APOLD1: variants seen among roughly 807,000 people sequenced by gnomAD.
APOLD1 encodes apolipoprotein L domain-containing protein 1.
APOLD1 carries 22 observed loss-of-function variants against 15.3 expected under a neutral mutation model. The ratio of observed to expected loss-of-function variants is 1.44; its 90% CI spans 1.03 to 2.05. The LOEUF (loss-of-function observed/expected upper bound fraction) is 2.05, where lower values mean the gene tolerates loss of function less well. Among genes scored for constraint, APOLD1 ranks in the 30% most tolerant of loss-of-function variants. The pLI is 0.00. For synonymous variants in APOLD1, 190 were observed against 167.4 expected, an observed-to-expected ratio of 1.13 and a Z score of -1.04; for missense variants, 394 against 353.5, an observed-to-expected ratio of 1.11 and a Z score of -0.92.
rs983695655 is a variant in APOLD1 at position 12,789,825 on chromosome 12, G to A, written c.*2173G>A. On this transcript the variant is annotated 3_prime_UTR_variant, in exon 2 of 2. Coordinates refer to ENST00000356591, the MANE Select transcript of APOLD1 (RefSeq NM_030817.3). ...CTGTCCGCACCCTTCCCAGTGATGGGGCAGTATGTCTGAGGAAGTATAATT... is the reference window on the plus strand; with the variant it reads ...CTGTCCGCACCCTTCCCAGTGATGGAGCAGTATGTCTGAGGAAGTATAATT... 1 of 152,190 alleles carries A rather than the reference G, an allele frequency of 6.6e-6. No individual in the cohort carries two copies. The highest frequency in any genetic ancestry group is 2.1e-4 in the South Asian group (1 of 4,820). 9.4% of individuals were successfully genotyped at this position (152,190 alleles called of 1,614,324 possible).
chr12:12,770,036 G>A (rs1946974085), intron 1 of APOLD1, among the ~76,000 whole-genome samples: 2 of 152,214 alleles, frequency 1.3e-5, no homozygotes, highest in African/African-American at 4.8e-5. Context: ...AGAACCAGAT[G>A]CTCTGGATAA....
chr12:12,751,538 A>G lies in APOLD1; in HGVS notation c.96+25442A>G, dbSNP rs560188001. ...ACTAATTTTTAAATTTTCAGAAGAG[A>G]CAAGGCATTGCTATGTTACCCAGGC... On this transcript the variant is annotated intron_variant, in intron 1 of 1. Coordinates refer to the APOLD1 transcript ENST00000326765. Among the ~76,000 whole-genome samples, 51 of 152,266 alleles carry G rather than the reference A, an allele frequency of 3.3e-4. No individual in the cohort carries two copies. In the South Asian group the frequency reaches 9.8e-3, roughly 29 times the overall value.
intron 1 of APOLD1, among the ~76,000 whole-genome samples, chr12:12,754,472 C>T (rs1946840174): frequency 6.6e-6 from 1 of 151,732 alleles, no homozygotes; most frequent in Non-Finnish European, 1.5e-5. Flanking sequence ...TATTTAGAGA[C>T]GGAGTCTTGC....
chr12:12,735,353 G>A (rs570562997), intron 1 of APOLD1, among the ~76,000 whole-genome samples: 16 of 152,262 alleles, frequency 1.1e-4, no homozygotes, highest in African/African-American at 3.9e-4. Flanking sequence ...GACCTAGAGC[G>A]AGGGTTAGAG....
At chr12:12,751,712 A>G (rs1592296307) in intron 1 of APOLD1, among the ~76,000 whole-genome samples, 1 of 152,356 alleles carries the variant, frequency 6.6e-6, no homozygotes, top group Middle Eastern at 3.4e-3. Context: ...ATGGGCCCCC[A>G]AGTATGTTCA....
At chr12:12,785,526 T>C (rs1240513853), upstream of APOLD1, 49 of 1,158,816 alleles carry the variant, frequency 4.2e-5, no homozygotes, top group Non-Finnish European at 5.8e-5. Flanking sequence ...TTTTCCACCA[T>C]GTCACGTCCT....
chr12:12,744,599 G>T (rs189692583), intron 1 of APOLD1, among the ~76,000 whole-genome samples: 109 of 152,186 alleles, frequency 7.2e-4, no homozygotes, highest in Non-Finnish European at 1.3e-3. Context: ...ACAAAGAACT[G>T]CTTGGTTTCT....
chr12:12,734,814 C>G (rs1054704636), intron 1 of APOLD1, among the ~76,000 whole-genome samples: 1 of 152,208 alleles, frequency 6.6e-6, no homozygotes, highest in Non-Finnish European at 1.5e-5. Flanking sequence ...CGCGTGCAGT[C>G]TCTGGGAGCC....
intron 1 of APOLD1, among the ~76,000 whole-genome samples, chr12:12,785,995 T>C (rs1947121053): frequency 1.3e-5 from 2 of 152,140 alleles, no homozygotes; most frequent in Admixed American, 6.6e-5. Context: ...TAATGAAGAG[T>C]ACAGTGGACA....
chr12:12,779,044 G>A (rs1238937900), intron 1 of APOLD1, among the ~76,000 whole-genome samples: 1 of 152,056 alleles, frequency 6.6e-6, no homozygotes, highest in Non-Finnish European at 1.5e-5. Context: ...TTTATGTTCA[G>A]CAACACTAAA....
chr12:12,769,579 C>G (rs913489669), intron 1 of APOLD1, among the ~76,000 whole-genome samples: 5 of 152,202 alleles, frequency 3.3e-5, no homozygotes, highest in Non-Finnish European at 5.9e-5. Context: ...GCAAACGATC[C>G]TCTCATGCTT....
At chr12:12,772,309 A>G (rs1467696439) in intron 1 of APOLD1, among the ~76,000 whole-genome samples, 1 of 152,254 alleles carries the variant, frequency 6.6e-6, no homozygotes, top group Non-Finnish European at 1.5e-5. Flanking sequence ...CCCTGACAAC[A>G]CTAATCAAAA....
At chr12:12,730,077 T>TGAGAGA (rs146075502) in intron 1 of APOLD1, among the ~76,000 whole-genome samples, 1 of 81,604 alleles carries the variant, frequency 1.2e-5, no homozygotes, top group African/African-American at 5.9e-5. Context: ...TGTGTGTGTG[T>TGAGAGA]GAGAGAGAGA....
chr12:12,731,093 A>G (rs980827851), intron 1 of APOLD1, among the ~76,000 whole-genome samples: 1 of 152,236 alleles, frequency 6.6e-6, no homozygotes, highest in Non-Finnish European at 1.5e-5. Flanking sequence ...GTGGGCCGAG[A>G]TCGCACCACT....
chr12:12,743,998 C>T (rs1391199014), intron 1 of APOLD1, among the ~76,000 whole-genome samples: 1 of 152,126 alleles, frequency 6.6e-6, no homozygotes, highest in African/African-American at 2.4e-5. Flanking sequence ...TGTTAGACTT[C>T]TAGCACACAG....
chr12:12,787,932 C>G lies in APOLD1; in HGVS notation c.*280C>G. The G allele has an allele frequency of 2.6e-6, 1 of 387,594 alleles. No individual in the cohort carries two copies. The highest frequency in any genetic ancestry group is 4.6e-6 in the Non-Finnish European group (1 of 216,438). 24.0% of individuals were successfully genotyped at this position (387,594 alleles called of 1,614,324 possible). A position where few individuals can be genotyped will look rare whatever the true frequency, so the allele number is the denominator to read the frequency against. Reference sequence around the variant, plus strand: ...TCAAAAACTTTCTGTCTAAACACAGCTGGGCAGGCACTCCTGTTTTAAAGT... The same window carrying G: ...TCAAAAACTTTCTGTCTAAACACAGGTGGGCAGGCACTCCTGTTTTAAAGT... On this transcript the variant is annotated 3_prime_UTR_variant, in exon 2 of 2. Transcript: ENST00000356591. The surrounding 1 kb of genome is among the most constrained non-coding windows in gnomAD (Gnocchi z 4.9).
At chr12:12,747,014 T>C (rs1211153308) in intron 1 of APOLD1, among the ~76,000 whole-genome samples, 1 of 152,236 alleles carries the variant, frequency 6.6e-6, no homozygotes, top group Non-Finnish European at 1.5e-5. Flanking sequence ...TGTTAATTGA[T>C]AATGCCAGAT....
intron 1 of APOLD1, among the ~76,000 whole-genome samples, chr12:12,739,161 G>A (rs1946712257): frequency 6.6e-6 from 1 of 152,200 alleles, no homozygotes; most frequent in South Asian, 2.1e-4. Flanking sequence ...GAGACTGAAT[G>A]CGGAGAATAC....
intron 1 of APOLD1, chr12:12,786,670 T>C: frequency 1.0e-6 from 1 of 985,384 alleles, no homozygotes; most frequent in Non-Finnish European, 1.2e-6. Context: ...GAAGATAGCA[T>C]TATTCCTATT....
Sources: allele counts gnomAD v4.1 joint callset (sites outside exome capture counted in the v4.1 genomes callset), GRCh38; gene constraint gnomAD v4.1.1; non-coding constraint Gnocchi (gnomAD v3.1); transcripts MANE v1.5; gene names NCBI Gene and HGNC (gene_info 2026-07-23, HGNC 2026-07-21).